Variants in PIK3C3 observed in about 807,000 individuals in gnomAD.
PIK3C3 encodes the protein phosphatidylinositol 3-kinase catalytic subunit type 3.
PIK3C3 carries 95 observed loss-of-function variants against 126.1 expected under a neutral mutation model. The ratio of observed to expected loss-of-function variants is 0.75; its 90% CI spans 0.64 to 0.89. The LOEUF (loss-of-function observed/expected upper bound fraction) is 0.89, where lower values mean the gene tolerates loss of function less well. Ranked by LOEUF, PIK3C3 falls within the 40% of genes least tolerant of loss-of-function variation. PIK3C3 has a pLI of 0.00. For synonymous variants in PIK3C3, 374 were observed against 360.0 expected (o/e 1.04, Z -0.44); for missense variants, 829 against 1,063.2 (o/e 0.78, Z 3.06).
chr18:42,049,480 A>G (rs1342558137), intron 20 of PIK3C3, 51 bp from the exon 21 acceptor site: 2 of 1,372,802 alleles, frequency 1.5e-6, no homozygotes, highest in Non-Finnish European at 2.1e-6. Context: ...AGTAGAATGT[A>G]TAACCTGGTT....
chr18:41,997,888 A>G (rs1355899353), intron 9 of PIK3C3, among the ~76,000 whole-genome samples: 3 of 152,198 alleles, frequency 2.0e-5, no homozygotes, highest in African/African-American at 7.2e-5. Context: ...CATCATATAC[A>G]TGCCTTAGCA....
At chr18:42,019,438 A>T (rs1389087836) in intron 12 of PIK3C3, among the ~76,000 whole-genome samples, 1 of 152,112 alleles carries the variant, frequency 6.6e-6, no homozygotes, top group Non-Finnish European at 1.5e-5. Flanking sequence ...TGACCTTAAT[A>T]CTTTTGGTTG....
chr18:42,040,276 T>C (rs1342539830), intron 18 of PIK3C3, among the ~76,000 whole-genome samples: 1 of 151,856 alleles, frequency 6.6e-6, no homozygotes, highest in Non-Finnish European at 1.5e-5. Context: ...CATACAGCTT[T>C]TAGGGTTAGG....
intron 23 of PIK3C3, among the ~76,000 whole-genome samples, chr18:42,066,507 A>G (rs1377425434): frequency 6.6e-6 from 1 of 152,088 alleles, no homozygotes; most frequent in African/African-American, 2.4e-5. Context: ...GTGGCGTAGG[A>G]TTGTCTGGAA....
intron 5 of PIK3C3, among the ~76,000 whole-genome samples, chr18:41,988,491 G>T (rs1981608192): frequency 6.6e-6 from 1 of 151,974 alleles, no homozygotes; most frequent in African/African-American, 2.4e-5. Context: ...CCAGATGTTA[G>T]GCCTAATGTT....
At chr18:41,957,792 A>G (rs1434886824) in intron 2 of PIK3C3, 34 bp downstream of exon 2, 1 of 1,513,746 alleles carries the variant, frequency 6.6e-7, no homozygotes, top group Non-Finnish European at 9.0e-7. Flanking sequence ...TATGTTACAG[A>G]CTGTTCTTAC....
chr18:42,013,875 G>C (rs777558539), intron 11 of PIK3C3, among the ~76,000 whole-genome samples: 1 of 152,010 alleles, frequency 6.6e-6, no homozygotes, highest in East Asian at 1.9e-4. Context: ...ATGTGTCTCC[G>C]GTTTCTTAAG....
In PIK3C3 at chr18:42,027,515, C is replaced by G; in HGVS notation, c.1557C>G (p.Asn519Lys). Reference sequence around the variant, plus strand: ...CAAAGACCCATGAGATGTACTTGAACGTAATGAGAAGATTCAGCCAAGCAT... The same window carrying G: ...CAAAGACCCATGAGATGTACTTGAAGGTAATGAGAAGATTCAGCCAAGCAT... ...RDPKTHEMYL[N>K]VMRRFSQALL... is the part of the protein sequence containing the mutation. The change falls in exon 14 of 25, where the codon AAC (asparagine) becomes AAG (lysine). Residue 519 changes from asparagine to lysine, a missense_variant. Physicochemically the swap from Asn to Lys is moderately conservative, Grantham distance 94. Around this residue, in one of 4 missense-constraint regions of PIK3C3, gnomAD observed 256 missense variants for 291.0 expected, o/e 0.88. Transcript: ENST00000262039. The G allele has an allele frequency of 6.2e-7, 1 of 1,611,014 alleles. No homozygotes were observed. Among genetic ancestry groups the G allele is most frequent in the Non-Finnish European group, 8.5e-7 (1 of 1,177,724 alleles).
At chr18:42,058,996 C>G (rs375174592) in intron 22 of PIK3C3, among the ~76,000 whole-genome samples, 2 of 152,208 alleles carry the variant, frequency 1.3e-5, no homozygotes, top group Non-Finnish European at 2.9e-5. Context: ...TTTGTGACAT[C>G]AATTACTCAT....
chr18:42,066,606 T>G (rs1985549544), intron 23 of PIK3C3, among the ~76,000 whole-genome samples: 1 of 152,218 alleles, frequency 6.6e-6, no homozygotes, highest in African/African-American at 2.4e-5. Flanking sequence ...TTATCTACTG[T>G]ATGTTTGCGT....
At chr18:42,049,192 G>A (rs1182473933) in intron 20 of PIK3C3, 3 of 173,466 alleles carry the variant, frequency 1.7e-5, no homozygotes, top group Non-Finnish European at 2.4e-5. Context: ...ACATGGTTAC[G>A]AGTTATGGGA....
intron 4 of PIK3C3, among the ~76,000 whole-genome samples, chr18:41,978,528 A>G (rs773482660): frequency 1.3e-5 from 2 of 152,210 alleles, no homozygotes; most frequent in African/African-American, 2.4e-5. Context: ...ACAATTTGGC[A>G]TGGACTAAAG....
intron 24 of PIK3C3, among the ~76,000 whole-genome samples, chr18:42,079,965 G>A (rs1225644915): frequency 1.4e-5 from 2 of 140,660 alleles, no homozygotes; most frequent in African/African-American, 5.3e-5. Flanking sequence ...GTGTGTGTGT[G>A]TGTGTGTGTG....
chr18:42,076,426 GATAT>G (rs1986036617), intron 24 of PIK3C3, among the ~76,000 whole-genome samples: 1 of 151,870 alleles, frequency 6.6e-6, no homozygotes, highest in African/African-American at 2.4e-5. Context: ...AAGTAAGTGT[GATAT>G]ATAAAGGAGT....
chr18:42,068,855 C>T (rs879680565), intron 24 of PIK3C3, among the ~76,000 whole-genome samples: 8 of 148,114 alleles, frequency 5.4e-5, no homozygotes, highest in Admixed American at 4.9e-4. Flanking sequence ...GAGGCTGAGG[C>T]AGGAGAATGG....
Position 42,083,238 on chromosome 18 carries a change from C to T in PIK3C3, c.*2101C>T, listed in dbSNP as rs1043114163. ...TTGTTTTTACTCTTTAGAGCTCTAT[C>T]CTCAGAGTGTAGTCTGCATATTTCT... On this transcript the variant is annotated 3_prime_UTR_variant, in exon 25 of 25. Coordinates refer to ENST00000262039, the MANE Select transcript of PIK3C3 (RefSeq NM_002647.4). The T allele has an allele frequency of 6.6e-6, 1 of 152,172 alleles. No individual in the cohort carries two copies. The highest frequency in any genetic ancestry group is 1.5e-5 in the Non-Finnish European group (1 of 68,022). 9.4% of individuals were successfully genotyped at this position (152,172 alleles called of 1,614,324 possible). A position where few individuals can be genotyped will look rare whatever the true frequency, so the allele number is the denominator to read the frequency against.
chr18:42,024,897 G>A (rs952034687), intron 13 of PIK3C3, among the ~76,000 whole-genome samples: 5 of 150,502 alleles, frequency 3.3e-5, no homozygotes, highest in Admixed American at 1.3e-4. Flanking sequence ...TCTGCCTCAC[G>A]AGTTCACGCC....
rs1041652983 is a variant in PIK3C3, at chr18:42,037,946, G to A, written c.1968+126G>A. ...AGGTACGATCCTAGAAAGCTCAACA[G>A]TCTCCACTTGACCTTGAAAAAATTT... On this transcript the variant is annotated intron_variant, in intron 17 of 24. Transcript: ENST00000262039. The A allele has an allele frequency of 4.6e-5, 38 of 833,018 alleles. No homozygotes were observed. The East Asian group carries it at 8.6e-4, about 19-fold the overall frequency. The allele number at this position is 833,018 out of a possible 1,614,324, so 51.6% of individuals were successfully genotyped here. A position where few individuals can be genotyped will look rare whatever the true frequency, so the allele number is the denominator to read the frequency against.
At chr18:42,003,606 C>A (rs1460697716) in intron 9 of PIK3C3, among the ~76,000 whole-genome samples, 2 of 152,078 alleles carry the variant, frequency 1.3e-5, no homozygotes, top group Non-Finnish European at 2.9e-5. Context: ...TAAAAGAGGA[C>A]TTACTGTTTG....
Sources: allele counts gnomAD v4.1 joint callset (sites outside exome capture counted in the v4.1 genomes callset), GRCh38; gene constraint gnomAD v4.1.1; regional missense constraint gnomAD v4.1.1; transcripts MANE v1.5; gene names NCBI Gene and HGNC (gene_info 2026-07-23, HGNC 2026-07-21).